ZRANB1: variants seen among roughly 807,000 people sequenced by gnomAD.
ZRANB1 encodes ubiquitin thioesterase ZRANB1.
A neutral mutation model predicts 80.5 loss-of-function variants in ZRANB1; 16 were observed. That is an observed-to-expected ratio of 0.20 (90% confidence interval 0.13 to 0.30). The LOEUF is 0.30. Ranked by LOEUF, ZRANB1 falls within the 10% of genes least tolerant of loss-of-function variation. The pLI is 1.00. For synonymous variants in ZRANB1, 291 were observed against 293.1 expected, an observed-to-expected ratio of 0.99 and a Z score of 0.07; for missense variants, 576 against 862.6, an observed-to-expected ratio of 0.67 and a Z score of 4.16.
intron 4 of ZRANB1, 61 bp downstream of exon 4, chr10:124,973,777 T>A: frequency 1.4e-6 from 2 of 1,453,392 alleles, no homozygotes; most frequent in South Asian, 2.4e-5. Flanking sequence ...TTTTGTTTAG[T>A]AAGGCATGGT....
chr10:124,954,140 G>GTTTTTTTTTTTT (rs55962412), intron 1 of ZRANB1, among the ~76,000 whole-genome samples: 1 of 52,534 alleles, frequency 1.9e-5, no homozygotes, highest in African/African-American at 8.4e-5. Flanking sequence ...GCTAATTCCT[G>GTTTTTTTTTTTT]TTTTTTTTTT....
rs1295217819 is a variant in ZRANB1 at position 124,986,287 on chromosome 10, GCGCGCACACA to G, written c.*1297_*1306del. The stretch of plus-strand genomic sequence containing the variant: ...GGAAAGACGACACACGCACGCGCGC[GCGCGCACACA>G]CACACACACACACACACACACACAC... On this transcript the variant is annotated 3_prime_UTR_variant, in exon 9 of 9. Transcript: ENST00000359653. 22 of 73,094 alleles carry G rather than the reference GCGCGCACACA, an allele frequency of 3.0e-4. No individual in the cohort carries two copies. The highest frequency in any genetic ancestry group is 1.3e-3 in the Admixed American group (9 of 6,944). The allele number at this position is 73,094 out of a possible 1,614,324, so 4.5% of individuals were successfully genotyped here.
chr10:124,917,526 C>G, the ZRANB1 span, among the ~76,000 whole-genome samples: 3 of 152,136 alleles, frequency 2.0e-5, no homozygotes, highest in South Asian at 4.1e-4. Flanking sequence ...GCCGGCCGCC[C>G]GTGGCTGGAC....
chr10:124,966,702 C>T lies in ZRANB1; in HGVS notation c.923C>T (p.Ala308Val), dbSNP rs138614976. The change falls in exon 2 of 9, where the codon GCC (alanine) becomes GTC (valine). Residue 308 changes from alanine (A) to valine (V), a missense_variant. By Grantham distance (64) the Ala-to-Val change is moderately conservative. Coordinates refer to ENST00000359653, the MANE Select transcript of ZRANB1 (RefSeq NM_017580.3). ...DEVRLLNRPSAFDVGYTLVHL... is the reference protein window; with the variant it reads ...DEVRLLNRPSVFDVGYTLVHL... ...GTACGCTTGCTGAATCGTCCTTCTG[C>T]CTTTGATGTTGGCTATACTCTTGTA... The T allele has an allele frequency of 1.9e-6, 3 of 1,614,116 alleles. No homozygotes were observed. Among genetic ancestry groups the T allele is most frequent in the Non-Finnish European group, 2.5e-6 (3 of 1,180,014 alleles).
chr10:124,951,084 A>G (rs935552348), intron 1 of ZRANB1, among the ~76,000 whole-genome samples: 2 of 152,190 alleles, frequency 1.3e-5, no homozygotes, highest in Admixed American at 6.5e-5. Flanking sequence ...ATTTTAAAAT[A>G]TTCTTTTCAA....
At chr10:124,945,409 A>ATTTTTTTTTTTTTTTTTTTT (rs57697692) in intron 1 of ZRANB1, 5 of 123,548 alleles carry the variant, frequency 4.0e-5, no homozygotes, top group African/African-American at 1.5e-4. Flanking sequence ...TCTTAAAATC[A>ATTTTTTTTTTTTTTTTTTTT]TTTTTTTTTT....
intron 5 of ZRANB1, 79 bp downstream of exon 5, chr10:124,974,477 A>G (rs1286112701): frequency 4.2e-6 from 6 of 1,428,082 alleles, no homozygotes; most frequent in Non-Finnish European, 2.0e-6. Flanking sequence ...GATACTTTTT[A>G]TGTCAGTTAT....
At chr10:124,934,622 A>G in the ZRANB1 span, among the ~76,000 whole-genome samples, 5 of 152,220 alleles carry the variant, frequency 3.3e-5, no homozygotes, top group Admixed American at 3.3e-4. Context: ...AGGCTCAGAA[A>G]TAGGAAATTC....
chr10:124,938,870 C>T (rs1330928548), upstream of ZRANB1, among the ~76,000 whole-genome samples: 1 of 151,918 alleles, frequency 6.6e-6, no homozygotes, highest in Non-Finnish European at 1.5e-5. Context: ...CTGCACCTGG[C>T]TAATTAAAAA....
At chr10:124,932,117 A>G in the ZRANB1 span, among the ~76,000 whole-genome samples, 1 of 152,090 alleles carries the variant, frequency 6.6e-6, no homozygotes, top group African/African-American at 2.4e-5. Context: ...TTTAAGGTTC[A>G]TCCATGTCTT....
intron 1 of ZRANB1, chr10:124,945,605 A>C (rs1229995675): frequency 6.6e-6 from 1 of 152,142 alleles, no homozygotes; most frequent in Non-Finnish European, 1.5e-5. Context: ...GCTTCATTTC[A>C]ACCCCCGGTT....
At chr10:124,953,275 T>A (rs1241705290) in intron 1 of ZRANB1, among the ~76,000 whole-genome samples, 1 of 152,130 alleles carries the variant, frequency 6.6e-6, no homozygotes, top group East Asian at 1.9e-4. Context: ...TACTTAATTT[T>A]CACCAGTTCC....
chr10:124,920,685 A>G, the ZRANB1 span, among the ~76,000 whole-genome samples: 4 of 151,936 alleles, frequency 2.6e-5, no homozygotes, highest in Non-Finnish European at 5.9e-5. Context: ...CTGTCTCTAG[A>G]GAAGCCTTTT....
chr10:124,950,269 C>T (rs989809888), intron 1 of ZRANB1, among the ~76,000 whole-genome samples: 2 of 151,942 alleles, frequency 1.3e-5, no homozygotes, highest in South Asian at 2.1e-4. Flanking sequence ...GGACTACAGA[C>T]GTGCACCACC....
chr10:124,977,238 G>T (rs1485021267), intron 5 of ZRANB1, among the ~76,000 whole-genome samples: 2 of 150,152 alleles, frequency 1.3e-5, no homozygotes, highest in Non-Finnish European at 2.9e-5. Flanking sequence ...CTCCCAAAGT[G>T]CTGAGATTAC....
At chr10:124,938,078 GA>G (rs1180408224), upstream of ZRANB1, among the ~76,000 whole-genome samples, 1 of 152,188 alleles carries the variant, frequency 6.6e-6, no homozygotes, top group Non-Finnish European at 1.5e-5. Flanking sequence ...TTGGGCGTAT[GA>G]ATATATTTAA....
chr10:124,966,686 C>T lies in ZRANB1; in HGVS notation c.907C>T (p.Leu303=), dbSNP rs1951779570. 3 of 1,614,154 alleles carry T rather than the reference C, an allele frequency of 1.9e-6. No individual in the cohort carries two copies. The East Asian group carries it at 6.7e-5, about 36-fold the overall frequency. ...GCTCACCGCAGATGAAGTACGCTTGCTGAATCGTCCTTCTGCCTTTGATGT... is the reference window on the plus strand; with the variant it reads ...GCTCACCGCAGATGAAGTACGCTTGTTGAATCGTCCTTCTGCCTTTGATGT... ...RQLTADEVRL[L]NRPSAFDVGY... is the part of the protein sequence containing the mutation. The change falls in exon 2 of 9, where the codon CTG becomes TTG. Residue 303 remains leucine (L), a synonymous_variant. Transcript: ENST00000359653.
At chr10:124,951,788 C>T (rs968745081) in intron 1 of ZRANB1, among the ~76,000 whole-genome samples, 1 of 151,948 alleles carries the variant, frequency 6.6e-6, no homozygotes, top group African/African-American at 2.4e-5. Flanking sequence ...GAAACCTCGT[C>T]TCTACTGAAA....
At chr10:124,970,462 A>G (rs1243400062) in intron 2 of ZRANB1, among the ~76,000 whole-genome samples, 2 of 151,938 alleles carry the variant, frequency 1.3e-5, no homozygotes, top group East Asian at 3.9e-4. Flanking sequence ...GAGTTTCATT[A>G]TGTTGCCCAG....
Sources: allele counts gnomAD v4.1 joint callset (sites outside exome capture counted in the v4.1 genomes callset), GRCh38; gene constraint gnomAD v4.1.1; transcripts MANE v1.5; gene names NCBI Gene and HGNC (gene_info 2026-07-23, HGNC 2026-07-21).